The following CASK variants were observed in gnomAD, a reference collection of about 807,000 sequenced individuals.
The protein encoded by CASK is peripheral plasma membrane protein CASK.
In CASK, 4 loss-of-function variants were observed where a neutral mutation model predicts 82.9. That is an observed-to-expected ratio of 0.05 (90% CI 0.02 to 0.11). The LOEUF (loss-of-function observed/expected upper bound fraction) is 0.11, where lower values mean the gene tolerates loss of function less well. CASK is among the 10% of genes least tolerant of loss of function. CASK has a pLI of 1.00. For synonymous variants in CASK, 259 were observed against 253.5 expected (o/e 1.02, Z -0.20); for missense variants, 358 against 720.9 (o/e 0.50, Z 5.76).
intron 1 of CASK, among the ~76,000 whole-genome samples, chrX:41,915,665 A>T (rs750960977): frequency 7.3e-5 from 8 of 109,737 alleles, no homozygotes; most frequent in African/African-American, 2.7e-4. Context: ...GGAGTTCGAG[A>T]CCAGCCTGGT....
intron 5 of CASK, among the ~76,000 whole-genome samples, chrX:41,674,792 T>C (rs1189690380): frequency 8.9e-6 from 1 of 111,754 alleles, no homozygotes; most frequent in Non-Finnish European, 1.9e-5. Flanking sequence ...AAAAGACTAA[T>C]TTACATGAAA....
chrX:41,589,461 A>G (rs1224496408), intron 13 of CASK, 54 bp downstream of exon 13: 36 of 864,213 alleles, frequency 4.2e-5, no homozygotes, highest in Non-Finnish European at 6.2e-5. Context: ...AATGTCTTCA[A>G]TAAAGGTGGC....
intron 1 of CASK, among the ~76,000 whole-genome samples, chrX:41,854,072 T>A (rs2071315731): frequency 8.9e-6 from 1 of 111,958 alleles, no homozygotes; most frequent in Non-Finnish European, 1.9e-5. Context: ...ATTAGAATTG[T>A]TTGAAATTAC....
intron 24 of CASK, among the ~76,000 whole-genome samples, chrX:41,533,391 C>T (rs2147092457): frequency 8.9e-6 from 1 of 112,202 alleles, no homozygotes; most frequent in African/African-American, 3.2e-5. Context: ...TACTAGAAAA[C>T]CCCAGTAGTG....
At chrX:41,787,839 A>G (rs1006065515) in intron 2 of CASK, among the ~76,000 whole-genome samples, 11 of 111,477 alleles carry the variant, frequency 9.9e-5, no homozygotes, top group African/African-American at 2.6e-4. Flanking sequence ...AGTCAAAGTC[A>G]GAATTTTTAA....
At chrX:41,854,485 CA>C (rs1422046183) in intron 1 of CASK, among the ~76,000 whole-genome samples, 1 of 111,905 alleles carries the variant, frequency 8.9e-6, no homozygotes, top group Non-Finnish European at 1.9e-5. Context: ...GGCAAACAAA[CA>C]AAAAAACCAC....
chrX:41,751,045 G>A (rs771159240), intron 3 of CASK, among the ~76,000 whole-genome samples: 8 of 111,898 alleles, frequency 7.1e-5, no homozygotes, highest in East Asian at 2.8e-4. Flanking sequence ...TGACAAAAAC[G>A]CCAACTACAA....
intron 1 of CASK, among the ~76,000 whole-genome samples, chrX:41,905,353 C>A (rs1314637228): frequency 1.8e-5 from 2 of 111,992 alleles, no homozygotes; most frequent in African/African-American, 6.5e-5. Context: ...ACATTCCCAC[C>A]AACGTACGAG....
chrX:41,544,644 G>C (rs1262187481), intron 21 of CASK, among the ~76,000 whole-genome samples: 1 of 106,811 alleles, frequency 9.4e-6, no homozygotes, highest in Non-Finnish European at 1.9e-5. Flanking sequence ...AAGGAGGGAG[G>C]CTCACTTGAG....
chrX:41,634,080 C>T (rs750863602), intron 9 of CASK, among the ~76,000 whole-genome samples: 4 of 112,038 alleles, frequency 3.6e-5, no homozygotes, highest in East Asian at 2.8e-4. Context: ...AATTTTCTAC[C>T]GCTTTCTGTG....
intron 5 of CASK, among the ~76,000 whole-genome samples, chrX:41,688,496 A>G (rs1229904141): frequency 1.8e-5 from 2 of 111,702 alleles, no homozygotes; most frequent in Non-Finnish European, 3.8e-5. Flanking sequence ...AGTTTATCAT[A>G]GTGATCAAAA....
intron 5 of CASK, chrX:41,728,076 T>A: frequency 1.3e-6 from 1 of 778,278 alleles, no homozygotes; most frequent in East Asian, 3.5e-5. Flanking sequence ...AGAAAAGCAT[T>A]CATGTGACTT....
intron 3 of CASK, among the ~76,000 whole-genome samples, chrX:41,774,871 C>T (rs1213753168): frequency 4.0e-4 from 44 of 111,378 alleles, no homozygotes; most frequent in Non-Finnish European, 7.4e-4. Context: ...TTACACCTTA[C>T]ACAAAAATTA....
chrX:41,582,770 C>T (rs1446662562), intron 14 of CASK, among the ~76,000 whole-genome samples: 1 of 112,198 alleles, frequency 8.9e-6, no homozygotes, highest in East Asian at 2.8e-4. Flanking sequence ...TGGGCCTTTG[C>T]ATTTGCTCTT....
intron 8 of CASK, among the ~76,000 whole-genome samples, chrX:41,644,207 T>C (rs1325554449): frequency 8.9e-6 from 1 of 111,987 alleles, no homozygotes; most frequent in African/African-American, 3.2e-5. Flanking sequence ...TGCATTGATG[T>C]TCATCAGGGA....
intron 5 of CASK, among the ~76,000 whole-genome samples, chrX:41,715,211 G>C (rs1361271941): frequency 8.9e-6 from 1 of 112,613 alleles, no homozygotes; most frequent in African/African-American, 3.2e-5. Flanking sequence ...CACATGGTCA[G>C]GCAGAAGGGC....
chrX:41,675,539 T>C (rs2067253902), intron 5 of CASK, among the ~76,000 whole-genome samples: 2 of 112,489 alleles, frequency 1.8e-5, no homozygotes, highest in Admixed American at 1.9e-4. Context: ...ATCCCCATAT[T>C]GGCCACCTCA....
At chrX:41,871,041 G>T (rs1389236228) in intron 1 of CASK, among the ~76,000 whole-genome samples, 2 of 112,015 alleles carry the variant, frequency 1.8e-5, no homozygotes, top group African/African-American at 6.5e-5. Flanking sequence ...TTATCTACAG[G>T]TTGTAGGGAA....
At chrX:41,641,632 C>A (rs767994368) in intron 8 of CASK, among the ~76,000 whole-genome samples, 1 of 111,350 alleles carries the variant, frequency 9.0e-6, no homozygotes, top group Non-Finnish European at 1.9e-5. Flanking sequence ...CACTCAAATT[C>A]TTTTTTGATG....
Sources: allele counts gnomAD v4.1 joint callset (sites outside exome capture counted in the v4.1 genomes callset), GRCh38; gene constraint gnomAD v4.1.1; transcripts MANE v1.5; gene names NCBI Gene and HGNC (gene_info 2026-07-23, HGNC 2026-07-21).